Variants in DSG1 observed in about 807,000 individuals in gnomAD.
The protein encoded by DSG1 is desmoglein 1.
DSG1 carries 39 observed loss-of-function variants against 97.5 expected under a neutral mutation model. The ratio of observed to expected loss-of-function variants is 0.40; its 90% CI spans 0.31 to 0.52. The LOEUF is 0.52. Ranked by LOEUF, DSG1 falls within the 20% of genes least tolerant of loss-of-function variation. The pLI, the probability that DSG1 is intolerant of heterozygous loss-of-function variation, is 0.53. For synonymous variants in DSG1, 475 were observed against 443.4 expected (o/e 1.07, Z -0.90); for missense variants, 1,311 against 1,295.4 (o/e 1.01, Z -0.18).
Position 31,343,954 on chromosome 18 carries a change from C to T in DSG1, c.1850C>T (p.Pro617Leu), listed in dbSNP as rs762374311. Residue 617 changes from proline to leucine, a missense_variant, in exon 13 of 15, where the codon CCA (proline) becomes CTA (leucine). Physicochemically the swap from Pro to Leu is moderately conservative, Grantham distance 98. Coordinates refer to ENST00000257192, the MANE Select transcript of DSG1 (RefSeq NM_001942.4). ...RDITTVIPQIPPDNANIIECI... is the reference protein window; with the variant it reads ...RDITTVIPQILPDNANIIECI... ...ATAACCACTGTCATACCACAAATAC[C>T]ACCTGATAACGCAAATATAATTGAA... is the stretch of plus-strand genomic sequence containing the variant. 1.2e-6 allele frequency: 2 copies of T among 1,613,240 alleles called. No individual in the cohort carries two copies. The highest frequency in any genetic ancestry group is 1.7e-6 in the Non-Finnish European group (2 of 1,179,454).
chr18:31,346,968 A>C (rs971316739), intron 14 of DSG1, among the ~76,000 whole-genome samples: 1 of 152,164 alleles, frequency 6.6e-6, no homozygotes, highest in Non-Finnish European at 1.5e-5. Context: ...AGCCTGGAGA[A>C]GCAGCTGCAG....
At chr18:31,338,746 A>G (rs2071770621) in intron 10 of DSG1, among the ~76,000 whole-genome samples, 1 of 152,206 alleles carries the variant, frequency 6.6e-6, no homozygotes, top group South Asian at 2.1e-4. Context: ...AAATGGAACA[A>G]TAACAATATA....
intron 7 of DSG1, 38 bp downstream of exon 7, chr18:31,333,761 G>T: frequency 6.2e-7 from 1 of 1,607,154 alleles, no homozygotes; most frequent in Non-Finnish European, 8.5e-7. Context: ...ATCTAAATTC[G>T]CTATATTCTA....
rs926362796 is a variant in DSG1, at chr18:31,350,760, G to C, written c.2101-3537G>C. 2.5e-3 allele frequency among the ~76,000 whole-genome samples: 380 copies of C among 151,216 alleles called. 1 individual carries two copies. The highest frequency in any genetic ancestry group is 8.1e-3 in the African/African-American group (333 of 40,954). ...GATTTTCTAGTTTATTTGCGTAGAGGTGTTTGTAGTATTCTCTGATGGTAG... is the reference window on the plus strand; with the variant it reads ...GATTTTCTAGTTTATTTGCGTAGAGCTGTTTGTAGTATTCTCTGATGGTAG... On this transcript the variant is annotated intron_variant, in intron 14 of 14. Coordinates refer to ENST00000257192, the MANE Select transcript of DSG1 (RefSeq NM_001942.4).
intron 9 of DSG1, 106 bp from the exon 10 acceptor site, chr18:31,338,209 T>C: frequency 8.3e-7 from 1 of 1,205,822 alleles, no homozygotes; most frequent in Non-Finnish European, 1.2e-6. Flanking sequence ...TTGAAAACTG[T>C]ATCTAGGGAT....
chr18:31,355,189 G>A lies in DSG1; in HGVS notation c.2993G>A (p.Gly998Asp), dbSNP rs750974492. The A allele has an allele frequency of 4.1e-5, 66 of 1,602,980 alleles. No individual in the cohort carries two copies. Among genetic ancestry groups the A allele is most frequent in the African/African-American group, 5.3e-5 (4 of 74,774 alleles). ...GCCCTGAGTGGAGCTGGCATAAGTG[G>A]TGGTGGCATTGGCCTGAGCAGCTTG... is the stretch of plus-strand genomic sequence containing the variant. ...SGALSGAGIS[G>D]GGIGLSSLGG... Residue 998 changes from glycine (G) to aspartate (D), a missense_variant, in exon 15 of 15, where the codon GGT (glycine) becomes GAT (aspartate). By Grantham distance (94) the Gly-to-Asp change is moderately conservative (BLOSUM62 -1). Coordinates refer to ENST00000257192, the MANE Select transcript of DSG1 (RefSeq NM_001942.4).
intron 11 of DSG1, among the ~76,000 whole-genome samples, chr18:31,341,559 T>C (rs1309324953): frequency 6.6e-6 from 1 of 152,154 alleles, no homozygotes; most frequent in African/African-American, 2.4e-5. Flanking sequence ...TTCCAAAAAA[T>C]GAAATTTTTA....
At chr18:31,345,883 C>A in intron 13 of DSG1, 107 bp from the exon 14 acceptor site, 1 of 803,884 alleles carries the variant, frequency 1.2e-6, no homozygotes, top group Non-Finnish European at 2.1e-6. Context: ...TTTCTTTGTT[C>A]ACAAATGCAT....
At chr18:31,323,103 C>G (rs914171481) in intron 1 of DSG1, among the ~76,000 whole-genome samples, 1 of 152,164 alleles carries the variant, frequency 6.6e-6, no homozygotes, top group Admixed American at 6.5e-5. Context: ...GCTGAGGAAA[C>G]TGAGCACAGA....
At chr18:31,318,873 G>T (rs1568037746) in intron 1 of DSG1, among the ~76,000 whole-genome samples, 1 of 151,904 alleles carries the variant, frequency 6.6e-6, no homozygotes, top group Non-Finnish European at 1.5e-5. Flanking sequence ...GTTAGAATCT[G>T]TATCACTACT....
At chr18:31,323,353 C>A (rs1292464190) in intron 1 of DSG1, among the ~76,000 whole-genome samples, 1 of 152,096 alleles carries the variant, frequency 6.6e-6, no homozygotes, top group East Asian at 1.9e-4. Flanking sequence ...ATTTCCCTTC[C>A]CCAGTTTATT....
Position 31,357,951 on chromosome 18 carries a change from G to A in DSG1, c.*2605G>A, listed in dbSNP as rs188485917. ...GATTTTAGTAGTTATTTAAAGGCAT[G>A]TCATTTTTCAATGAAGAAGTTTTGG... On this transcript the variant is annotated 3_prime_UTR_variant, in exon 15 of 15. Transcript: ENST00000257192. Among the ~76,000 whole-genome samples, 6 of 152,044 alleles carry A rather than the reference G, an allele frequency of 3.9e-5. No homozygotes were observed. The highest frequency in any genetic ancestry group is 3.9e-4 in the Admixed American group (6 of 15,270).
At chr18:31,348,352 T>C (rs1217804829) in intron 14 of DSG1, among the ~76,000 whole-genome samples, 3 of 152,066 alleles carry the variant, frequency 2.0e-5, no homozygotes, top group Non-Finnish European at 2.9e-5. Context: ...CCACATTTTC[T>C]TAATCCAGTC....
intron 4 of DSG1, 31 bp downstream of exon 4, chr18:31,328,375 C>A: frequency 6.3e-7 from 1 of 1,597,320 alleles, no homozygotes; most frequent in South Asian, 1.1e-5. Context: ...TATATATGTT[C>A]ATGCTTAAAT....
At position 31,334,075 on chromosome 18, in the gene DSG1, T is replaced by C. The variant is rs753545622; in HGVS notation, c.878T>C (p.Ile293Thr). 1.7e-5 allele frequency: 28 copies of C among 1,610,698 alleles called. No homozygotes were observed. The highest frequency in any genetic ancestry group is 2.1e-5 in the Non-Finnish European group (25 of 1,177,190). ...TCAAATTTGCTCGAGATTAGAGTAATTGATTTGGATGAAGAGTTCTCAGCT... is the reference window on the plus strand; with the variant it reads ...TCAAATTTGCTCGAGATTAGAGTAACTGATTTGGATGAAGAGTTCTCAGCT... ...LNSNLLEIRV[I>T]DLDEEFSANW... The change falls in exon 8 of 15, where the codon ATT becomes ACT. Residue 293 changes from isoleucine (I) to threonine (T), a missense_variant. Ile to Thr is a moderately conservative substitution (Grantham distance 89, BLOSUM62 -1). Around this residue, in one of 3 missense-constraint regions of DSG1, gnomAD observed 1,038 missense variants for 964.6 expected, o/e 1.08. Coordinates refer to ENST00000257192, the MANE Select transcript of DSG1 (RefSeq NM_001942.4).
intron 14 of DSG1, among the ~76,000 whole-genome samples, chr18:31,347,240 C>T (rs1015395767): frequency 1.7e-4 from 26 of 152,248 alleles, no homozygotes; most frequent in African/African-American, 6.3e-4. Context: ...CATAGGAATA[C>T]TTATTCATAT....
At chr18:31,330,685 C>T (rs1355360425) in intron 5 of DSG1, among the ~76,000 whole-genome samples, 1 of 152,046 alleles carries the variant, frequency 6.6e-6, no homozygotes, top group African/African-American at 2.4e-5. Context: ...TACATGCGCT[C>T]CATAATTATG....
intron 14 of DSG1, among the ~76,000 whole-genome samples, chr18:31,352,235 G>C (rs960679176): frequency 6.6e-6 from 1 of 151,212 alleles, no homozygotes; most frequent in African/African-American, 2.5e-5. Flanking sequence ...ATGAAGCTTA[G>C]TTTGGCTGGA....
In DSG1 at chr18:31,355,708, CTAAA is replaced by C. The variant is rs2071950952; in HGVS notation, c.*365_*368del. 1 of 271,346 alleles carries C rather than the reference CTAAA, an allele frequency of 3.7e-6. No individual in the cohort carries two copies. Among genetic ancestry groups the C allele is most frequent in the African/African-American group, 2.2e-5 (1 of 45,938 alleles). 16.8% of individuals were successfully genotyped at this position (271,346 alleles called of 1,614,324 possible). On this transcript the variant is annotated 3_prime_UTR_variant, in exon 15 of 15. Coordinates refer to ENST00000257192, the MANE Select transcript of DSG1 (RefSeq NM_001942.4). ...TAGCTCGAGCAAAATTCAAAAAGAA[CTAAA>C]TATGCAATATATGTTCATATCTATG...
Sources: gnomAD v4.1 joint callset for allele counts (sites outside exome capture counted in the v4.1 genomes callset) on GRCh38, gnomAD v4.1.1 for gene constraint, gnomAD v4.1.1 regional missense constraint, MANE v1.5 for transcripts, NCBI Gene and HGNC (gene_info 2026-07-23, HGNC 2026-07-21) for gene names.